KCNT2: variants seen among roughly 807,000 people sequenced by gnomAD.
The protein encoded by KCNT2 is potassium channel subfamily T member 2.
A neutral mutation model predicts 153.8 loss-of-function variants in KCNT2; 67 were observed. That is an observed-to-expected ratio of 0.44 (90% CI 0.36 to 0.53). The LOEUF (loss-of-function observed/expected upper bound fraction) is 0.53, where lower values mean the gene tolerates loss of function less well. Among genes scored for constraint, KCNT2 ranks in the 20% least tolerant of loss-of-function variants. The pLI is 0.00. For synonymous variants in KCNT2, 500 were observed against 458.8 expected (o/e 1.09, Z -1.15); for missense variants, 975 against 1,354.8 (o/e 0.72, Z 4.40).
intron 25 of KCNT2, among the ~76,000 whole-genome samples, chr1:196,276,037 G>C (rs1335236353): frequency 6.6e-6 from 1 of 151,832 alleles, no homozygotes; most frequent in Non-Finnish European, 1.5e-5. Context: ...AGTTGGTTAT[G>C]TTGTTCTTTC....
At chr1:196,497,666 A>G (rs1433337163) in intron 1 of KCNT2, among the ~76,000 whole-genome samples, 1 of 152,166 alleles carries the variant, frequency 6.6e-6, no homozygotes, top group Non-Finnish European at 1.5e-5. Flanking sequence ...TAAAAATTAT[A>G]TCAGTAATGG....
intron 13 of KCNT2, among the ~76,000 whole-genome samples, chr1:196,381,908 A>G (rs1472131160): frequency 6.6e-6 from 1 of 152,156 alleles, no homozygotes; most frequent in East Asian, 1.9e-4. Flanking sequence ...AATAATTTGA[A>G]TGACTGATTC....
At chr1:196,405,542 C>T (rs1339981848) in intron 12 of KCNT2, among the ~76,000 whole-genome samples, 1 of 151,364 alleles carries the variant, frequency 6.6e-6, no homozygotes, top group East Asian at 2.0e-4. Context: ...ATCCAAATAA[C>T]CCATTAAAGA....
At chr1:196,559,218 CT>C (rs1659072039) in intron 1 of KCNT2, among the ~76,000 whole-genome samples, 1 of 151,524 alleles carries the variant, frequency 6.6e-6, no homozygotes, top group Non-Finnish European at 1.5e-5. Flanking sequence ...TGCTCTTTCT[CT>C]TATTAATTTA....
chr1:196,310,899 C>G (rs1190137061), intron 21 of KCNT2, among the ~76,000 whole-genome samples: 1 of 151,760 alleles, frequency 6.6e-6, no homozygotes, highest in Non-Finnish European at 1.5e-5. Flanking sequence ...GAAAATATGG[C>G]TTCTAAATTC....
chr1:196,235,834 T>C, intron 27 of KCNT2, 152 bp downstream of exon 27: 1 of 501,376 alleles, frequency 2.0e-6, no homozygotes, highest in Non-Finnish European at 3.5e-6. Flanking sequence ...ACACAACACA[T>C]GAAATGCATT....
intron 1 of KCNT2, among the ~76,000 whole-genome samples, chr1:196,595,648 G>A (rs939279362): frequency 3.3e-5 from 5 of 152,022 alleles, no homozygotes; most frequent in Admixed American, 3.3e-4. Context: ...TTGTAATACT[G>A]TACTGGGTTT....
intron 25 of KCNT2, among the ~76,000 whole-genome samples, chr1:196,270,596 T>C (rs1256770528): frequency 6.6e-6 from 1 of 151,994 alleles, no homozygotes; most frequent in African/African-American, 2.4e-5. Context: ...GGCAGTCAAA[T>C]TGTATGCATC....
At chr1:196,300,856 A>G (rs1363000672) in intron 22 of KCNT2, among the ~76,000 whole-genome samples, 3 of 152,144 alleles carry the variant, frequency 2.0e-5, no homozygotes, top group Non-Finnish European at 4.4e-5. Flanking sequence ...TGGAGCTCAG[A>G]AACTAATACC....
intron 25 of KCNT2, among the ~76,000 whole-genome samples, chr1:196,261,426 GAA>G (rs1657014935): frequency 6.6e-6 from 1 of 151,850 alleles, no homozygotes; most frequent in Non-Finnish European, 1.5e-5. Flanking sequence ...GATAATGCAT[GAA>G]AAGGCATAGT....
intron 8 of KCNT2, among the ~76,000 whole-genome samples, chr1:196,441,958 A>T (rs374237267): frequency 9.7e-4 from 148 of 151,934 alleles, no homozygotes; most frequent in African/African-American, 3.4e-3. Flanking sequence ...ACAATGGAAT[A>T]AGAAGGATGA....
intron 3 of KCNT2, among the ~76,000 whole-genome samples, chr1:196,484,365 A>T (rs2148711839): frequency 1.3e-5 from 2 of 151,186 alleles, no homozygotes; most frequent in Middle Eastern, 3.4e-3. Flanking sequence ...CCAGTTTTTG[A>T]TGGGGTTGTT....
intron 1 of KCNT2, among the ~76,000 whole-genome samples, chr1:196,537,845 G>A (rs1157601101): frequency 2.0e-5 from 3 of 152,182 alleles, no homozygotes; most frequent in Non-Finnish European, 2.9e-5. Context: ...TATCTCTCGT[G>A]GGGGCGGGGG....
At chr1:196,390,327 CTA>C (rs1184195859) in intron 13 of KCNT2, among the ~76,000 whole-genome samples, 1 of 151,408 alleles carries the variant, frequency 6.6e-6, no homozygotes, top group Non-Finnish European at 1.5e-5. Flanking sequence ...ATTGAAATGA[CTA>C]TGAATCAATA....
intron 26 of KCNT2, among the ~76,000 whole-genome samples, chr1:196,244,689 G>C (rs1161651903): frequency 6.6e-6 from 1 of 152,096 alleles, no homozygotes. Context: ...AGTAGGATAG[G>C]GAAACAGTTA....
chr1:196,487,049 A>C (rs1679476526), intron 3 of KCNT2, among the ~76,000 whole-genome samples: 2 of 151,932 alleles, frequency 1.3e-5, no homozygotes, highest in South Asian at 4.1e-4. Context: ...AAGAATGGAC[A>C]TTAAGGGCCC....
At chr1:196,273,451 A>T in intron 25 of KCNT2, 1 of 1,520,634 alleles carries the variant, frequency 6.6e-7, no homozygotes, top group Non-Finnish European at 8.8e-7. Context: ...AAAGGGAAAC[A>T]AACAGAAAAT....
At chr1:196,439,383 G>GA (rs1424651896) in intron 8 of KCNT2, among the ~76,000 whole-genome samples, 1 of 151,796 alleles carries the variant, frequency 6.6e-6, no homozygotes, top group Non-Finnish European at 1.5e-5. Flanking sequence ...ATGTACAACA[G>GA]AAAATACAGA....
intron 8 of KCNT2, among the ~76,000 whole-genome samples, chr1:196,439,449 A>G (rs964296069): frequency 6.6e-6 from 1 of 151,990 alleles, no homozygotes; most frequent in African/African-American, 2.4e-5. Flanking sequence ...TGAATAGAAG[A>G]TTGAATACAT....
Sources: allele counts gnomAD v4.1 joint callset (sites outside exome capture counted in the v4.1 genomes callset), GRCh38; gene constraint gnomAD v4.1.1; transcripts MANE v1.5; gene names NCBI Gene and HGNC (gene_info 2026-07-23, HGNC 2026-07-21).